The following PTPRR variants were observed in gnomAD, a reference collection of about 807,000 sequenced individuals.
The protein encoded by PTPRR is receptor-type tyrosine-protein phosphatase R.
PTPRR carries 38 observed loss-of-function variants against 77.2 expected under a neutral mutation model. The observed-to-expected ratio is 0.49, with a 90% CI of 0.38 to 0.65. The LOEUF (loss-of-function observed/expected upper bound fraction) is 0.65. Ranked by LOEUF, PTPRR falls within the 30% of genes least tolerant of loss-of-function variation. The pLI, the probability that PTPRR is intolerant of heterozygous loss-of-function variation, is 0.00. For missense variants in PTPRR, 744 were observed against 799.2 expected, an observed-to-expected ratio of 0.93 and a Z score of 0.83; for synonymous variants, 299 against 283.1, an observed-to-expected ratio of 1.06 and a Z score of -0.57.
intron 2 of PTPRR, among the ~76,000 whole-genome samples, chr12:70,778,477 CT>C (rs1891136464): frequency 6.6e-6 from 1 of 152,180 alleles, no homozygotes; most frequent in Admixed American, 6.5e-5. Flanking sequence ...GATTTTTCAT[CT>C]AAACATTTTG....
chr12:70,665,798 A>C (rs1241451477), intron 10 of PTPRR, among the ~76,000 whole-genome samples: 2 of 152,104 alleles, frequency 1.3e-5, no homozygotes, highest in Non-Finnish European at 2.9e-5. Context: ...GAAAAAAAAA[A>C]ACCTATTTTT....
rs962991070 is a variant in PTPRR, at chr12:70,783,876, C to T, written c.358-19098G>A. On this transcript the variant is annotated intron_variant, in intron 2 of 13. Transcript: ENST00000283228. ...GTGTGGGGGGGACGGGGGGGGGGGGCGGGGGGCGGGGGTTGGCACGTCAGC... is the reference window on the plus strand; with the variant it reads ...GTGTGGGGGGGACGGGGGGGGGGGGTGGGGGGCGGGGGTTGGCACGTCAGC... Among the ~76,000 whole-genome samples, 14 of 6,810 alleles carry T rather than the reference C, an allele frequency of 2.1e-3. 1 individual carries two copies. The highest frequency in any genetic ancestry group is 4.0e-3 in the Non-Finnish European group (12 of 2,984). 4.5% of individuals were successfully genotyped at this position (6,810 alleles called of 152,430 possible).
chr12:70,823,164 G>GT (rs1213187293), intron 2 of PTPRR, among the ~76,000 whole-genome samples: 2 of 140,054 alleles, frequency 1.4e-5, no homozygotes, highest in African/African-American at 5.6e-5. Flanking sequence ...CAGAGTTGTC[G>GT]TTTTTCTTTC....
chr12:70,837,862 G>C (rs1047270309), intron 2 of PTPRR, among the ~76,000 whole-genome samples: 8 of 152,008 alleles, frequency 5.3e-5, no homozygotes, highest in Admixed American at 4.6e-4. Flanking sequence ...TGGGTGACCA[G>C]CCCAGATCCT....
chr12:70,796,875 G>T (rs189744937), intron 2 of PTPRR, among the ~76,000 whole-genome samples: 78 of 152,102 alleles, frequency 5.1e-4, no homozygotes, highest in African/African-American at 1.7e-3. Flanking sequence ...TAAATTAGCC[G>T]GGCATGGTGG....
At chr12:70,702,660 T>C (rs1888471711) in intron 6 of PTPRR, among the ~76,000 whole-genome samples, 1 of 152,212 alleles carries the variant, frequency 6.6e-6, no homozygotes, top group Non-Finnish European at 1.5e-5. Context: ...GGTTGCATTT[T>C]TGTTGTCATT....
At chr12:70,858,727 C>T (rs940318030) in intron 2 of PTPRR, among the ~76,000 whole-genome samples, 14 of 151,972 alleles carry the variant, frequency 9.2e-5, no homozygotes, top group African/African-American at 3.4e-4. Flanking sequence ...CTAGATGAAG[C>T]CGAGTGTCCA....
At chr12:70,861,641 C>T (rs1390781581) in intron 2 of PTPRR, among the ~76,000 whole-genome samples, 1 of 152,102 alleles carries the variant, frequency 6.6e-6, no homozygotes, top group Non-Finnish European at 1.5e-5. Flanking sequence ...GTGTTCTAGG[C>T]TGCAGTGAAC....
intron 2 of PTPRR, among the ~76,000 whole-genome samples, chr12:70,813,440 A>G (rs978645076): frequency 2.6e-5 from 4 of 152,194 alleles, no homozygotes; most frequent in African/African-American, 7.2e-5. Flanking sequence ...TCCCTTTGAA[A>G]TCATATATTC....
intron 10 of PTPRR, chr12:70,671,989 C>T (rs2136698571): frequency 7.7e-7 from 1 of 1,307,004 alleles, no homozygotes; most frequent in African/African-American, 1.4e-5. Context: ...TTCAACCCTC[C>T]AGAGACATGA....
chr12:70,860,619 G>T (rs1892736586), intron 2 of PTPRR, among the ~76,000 whole-genome samples: 1 of 152,124 alleles, frequency 6.6e-6, no homozygotes, highest in South Asian at 2.1e-4. Flanking sequence ...ATAAGGTTTG[G>T]ATTTATCAAC....
At chr12:70,765,643 G>A (rs1890800707) in intron 2 of PTPRR, among the ~76,000 whole-genome samples, 1 of 152,216 alleles carries the variant, frequency 6.6e-6, no homozygotes, top group African/African-American at 2.4e-5. Flanking sequence ...CTGTCTGAGA[G>A]CTTTGAAGAG....
At chr12:70,864,061 C>T (rs957706015) in intron 2 of PTPRR, among the ~76,000 whole-genome samples, 2 of 152,120 alleles carry the variant, frequency 1.3e-5, no homozygotes, top group African/African-American at 4.8e-5. Context: ...TTGTAGACAT[C>T]CAAAGACAGC....
intron 1 of PTPRR, among the ~76,000 whole-genome samples, chr12:70,908,481 C>A (rs772708666): frequency 6.6e-6 from 1 of 152,106 alleles, no homozygotes; most frequent in Non-Finnish European, 1.5e-5. Context: ...AGAATGAGTG[C>A]CCAGAGAAGG....
intron 2 of PTPRR, among the ~76,000 whole-genome samples, chr12:70,845,923 G>A (rs779463058): frequency 2.0e-5 from 3 of 152,204 alleles, no homozygotes; most frequent in Non-Finnish European, 4.4e-5. Flanking sequence ...ATGACCAATT[G>A]TTTCAGAGTG....
intron 6 of PTPRR, among the ~76,000 whole-genome samples, chr12:70,724,826 C>CAT (rs1423052416): frequency 2.0e-5 from 3 of 151,458 alleles, no homozygotes; most frequent in East Asian, 3.9e-4. Context: ...CACACACACA[C>CAT]ATATATATAT....
rs752483327 is a variant in PTPRR at position 70,761,522 on chromosome 12, A to G, written c.576T>C (p.Asn192=). Residue 192 remains asparagine (N), a synonymous_variant, in exon 4 of 14, where the codon AAT becomes AAC. Coordinates refer to ENST00000283228, the MANE Select transcript of PTPRR (RefSeq NM_002849.4). The stretch of plus-strand genomic sequence containing the variant: ...ACTGGGATAAACTTTGATGCAAAAC[A>G]TTGATATTAAGTGAACGAAGAACTT... The part of the protein sequence containing the change: ...SEEVLRSLNI[N]VLHQSLSQFG... The G allele has an allele frequency of 6.2e-6, 10 of 1,611,758 alleles. No homozygotes were observed. In the African/African-American group the frequency reaches 6.7e-5, roughly 11 times the overall value.
At chr12:70,712,584 T>C (rs1489122844) in intron 6 of PTPRR, among the ~76,000 whole-genome samples, 2 of 151,330 alleles carry the variant, frequency 1.3e-5, no homozygotes, top group African/African-American at 4.9e-5. Flanking sequence ...TGTTTTATTA[T>C]CTATATTATG....
At chr12:70,864,044 G>C (rs1258176701) in intron 2 of PTPRR, among the ~76,000 whole-genome samples, 1 of 152,066 alleles carries the variant, frequency 6.6e-6, no homozygotes, top group African/African-American at 2.4e-5. Context: ...GATACAAAAG[G>C]GTAATTTTGT....
Sources: allele counts gnomAD v4.1 joint callset (sites outside exome capture counted in the v4.1 genomes callset), GRCh38; gene constraint gnomAD v4.1.1; transcripts MANE v1.5; gene names NCBI Gene and HGNC (gene_info 2026-07-23, HGNC 2026-07-21).